The following MED6 variants were observed in gnomAD, a reference collection of about 807,000 sequenced individuals.
MED6 encodes the protein mediator complex subunit 6.
MED6 carries 33 observed loss-of-function variants against 37.5 expected under a neutral mutation model. That is an observed-to-expected ratio of 0.88 (90% CI 0.67 to 1.18). MED6 has a LOEUF of 1.18. MED6 is among the 50% of genes most tolerant of loss of function. The probability of loss-of-function intolerance (pLI) is 0.00; values close to 1 mark genes in which losing one functional copy is unlikely to be tolerated. For missense variants in MED6, 235 were observed against 290.6 expected (o/e 0.81, Z 1.39); for synonymous variants, 94 against 93.6 (o/e 1.00, Z -0.02).
chr14:70,590,148 C>T (rs2139593372), intron 6 of MED6, among the ~76,000 whole-genome samples: 1 of 152,222 alleles, frequency 6.6e-6, no homozygotes, highest in East Asian at 1.9e-4. Context: ...GTTTCAAATG[C>T]TAATAGTCAC....
chr14:70,588,736 T>C (rs1884787407), intron 6 of MED6, among the ~76,000 whole-genome samples: 2 of 130,942 alleles, frequency 1.5e-5, no homozygotes, highest in African/African-American at 6.4e-5. Flanking sequence ...ATAATAATAA[T>C]AATAATTGGG....
At chr14:70,591,999 C>T (rs1884884955) in intron 5 of MED6, among the ~76,000 whole-genome samples, 1 of 152,180 alleles carries the variant, frequency 6.6e-6, no homozygotes, top group Admixed American at 6.5e-5. Flanking sequence ...ACTCCGAACA[C>T]TTGGTTATCG....
Position 70,592,498 on chromosome 14 carries a change from T to TTTTC in MED6, c.466+381_466+382insGAAA, listed in dbSNP as rs1349050289. The TTTTC allele has an allele frequency of 2.1e-4, 29 of 137,504 alleles. 1 individual carries two copies. The highest frequency in any genetic ancestry group is 8.3e-4 in the African/African-American group (29 of 35,054). 8.5% of individuals were successfully genotyped at this position (137,504 alleles called of 1,614,324 possible). ...TGTTCCTTTTTTTTTTTTTTTTTTT[T>TTTTC]TTTTTTTTTTGTAGAGACCAGGTTT... is the stretch of plus-strand genomic sequence containing the variant. On this transcript the variant is annotated intron_variant, in intron 5 of 7. Transcript: ENST00000256379.
intron 7 of MED6, 93 bp from the exon 8 acceptor site, chr14:70,585,036 T>C (rs1884663701): frequency 2.9e-6 from 4 of 1,366,728 alleles, no homozygotes; most frequent in Non-Finnish European, 4.0e-6. Context: ...TTCAAATTCA[T>C]TTTTAACTGC....
Position 70,583,896 on chromosome 14 carries a change from A to T in MED6, c.*917T>A, listed in dbSNP as rs138839744. On this transcript the variant is annotated 3_prime_UTR_variant, in exon 8 of 8. Coordinates refer to ENST00000256379, the MANE Select transcript of MED6 (RefSeq NM_005466.4). Reference sequence around the variant, plus strand: ...CTTTGCAGACTTCCTACCAGCAAGAAGGCCCTCACCAGATGGAGCCAATCA... The same window carrying T: ...CTTTGCAGACTTCCTACCAGCAAGATGGCCCTCACCAGATGGAGCCAATCA... 60 of 397,978 alleles carry T rather than the reference A, an allele frequency of 1.5e-4. 1 individual carries two copies. The South Asian group carries it at 2.3e-3, about 15-fold the overall frequency. The allele number at this position is 397,978 out of a possible 1,614,324, so 24.7% of individuals were successfully genotyped here.
intron 2 of MED6, among the ~76,000 whole-genome samples, chr14:70,597,284 G>A (rs964910698): frequency 6.6e-5 from 10 of 152,122 alleles, no homozygotes; most frequent in African/African-American, 2.4e-4. Flanking sequence ...ATCAACAGTT[G>A]TTTCAAATAC....
chr14:70,588,746 G>A (rs868609869), intron 6 of MED6, among the ~76,000 whole-genome samples: 20 of 148,146 alleles, frequency 1.4e-4, no homozygotes, highest in Non-Finnish European at 1.5e-4. Flanking sequence ...TAATAATTGG[G>A]AGGAAGTAGG....
Position 70,597,663 on chromosome 14 carries a change from T to G in MED6, c.137A>C (p.Asn46Thr). The change falls in exon 2 of 8, where the codon AAT (asparagine) becomes ACT (threonine). Residue 46 changes from asparagine (N) to threonine (T), a missense_variant. Asn to Thr is a moderately conservative substitution (Grantham distance 65, BLOSUM62 0). Coordinates refer to ENST00000256379, the MANE Select transcript of MED6 (RefSeq NM_005466.4). ...CCTCTGCATTTTGACCACTTCATTA[T>G]TACATGTTCTGTCATAAAAAGGATT... Reference protein sequence around the residue: ...RSNPFYDRTCNNEVVKMQRLT... With the variant: ...RSNPFYDRTCTNEVVKMQRLT... 1 of 1,555,054 alleles carries G rather than the reference T, an allele frequency of 6.4e-7. No individual in the cohort carries two copies. Among genetic ancestry groups the G allele is most frequent in the Non-Finnish European group, 8.6e-7 (1 of 1,157,788 alleles).
chr14:70,592,814 A>T (rs567715998), intron 5 of MED6, 66 bp downstream of exon 5: 3 of 1,558,852 alleles, frequency 1.9e-6, no homozygotes, highest in South Asian at 2.3e-5. Flanking sequence ...CCATTTTCCT[A>T]AAGAAAACAG....
chr14:70,586,841 A>T lies in MED6; in HGVS notation c.583-1058T>A, dbSNP rs531093935. On this transcript the variant is annotated intron_variant, in intron 6 of 7. Coordinates refer to ENST00000256379, the MANE Select transcript of MED6 (RefSeq NM_005466.4). ...TCACATTATTATCCACTGTGCAATAAAAAGGTTACCACAGAAGGCCTGAGG... is the reference window on the plus strand; with the variant it reads ...TCACATTATTATCCACTGTGCAATATAAAGGTTACCACAGAAGGCCTGAGG... Among the ~76,000 whole-genome samples, 42 of 152,316 alleles carry T rather than the reference A, an allele frequency of 2.8e-4. 1 individual carries two copies. The highest frequency in any genetic ancestry group is 2.3e-3 in the South Asian group (11 of 4,820).
intron 2 of MED6, among the ~76,000 whole-genome samples, chr14:70,597,035 C>T (rs964574489): frequency 1.3e-5 from 2 of 152,126 alleles, no homozygotes; most frequent in African/African-American, 4.8e-5. Context: ...ACCAAATCTA[C>T]GAATACATAC....
At chr14:70,594,904 C>A (rs1339843958) in intron 3 of MED6, 16 of 623,522 alleles carry the variant, frequency 2.6e-5, no homozygotes, top group Middle Eastern at 4.0e-4. Context: ...CCAGGAGCAC[C>A]TGGATAAGAA....
At chr14:70,586,282 A>T (rs1286970532) in intron 6 of MED6, among the ~76,000 whole-genome samples, 1 of 152,132 alleles carries the variant, frequency 6.6e-6, no homozygotes, top group Non-Finnish European at 1.5e-5. Flanking sequence ...ATTATTAAAA[A>T]CCAATCTATA....
chr14:70,593,058 A>C lies in MED6; in HGVS notation c.358-70T>G, dbSNP rs1884932202. The C allele has an allele frequency of 8.8e-6, 14 of 1,584,800 alleles. No individual in the cohort carries two copies. In the East Asian group the frequency reaches 3.1e-4, roughly 35 times the overall value. Reference sequence around the variant, plus strand: ...AAACTTTCCAAAGTAAATACTCACAAAATATTACATATGCAAAGACAGAAC... The same window carrying C: ...AAACTTTCCAAAGTAAATACTCACACAATATTACATATGCAAAGACAGAAC... On this transcript the variant is annotated intron_variant, in intron 4 of 7. Transcript: ENST00000256379.
intron 6 of MED6, among the ~76,000 whole-genome samples, chr14:70,587,061 A>G (rs1008397028): frequency 6.6e-6 from 1 of 152,218 alleles, no homozygotes; most frequent in African/African-American, 2.4e-5. Context: ...GATAGAGGAT[A>G]CCTACATGAA....
At chr14:70,597,535 C>A in intron 2 of MED6, 83 bp downstream of exon 2, 1 of 1,229,506 alleles carries the variant, frequency 8.1e-7, no homozygotes, top group Non-Finnish European at 1.1e-6. Context: ...TTCTACTCTG[C>A]ACTTCATGAT....
At chr14:70,588,433 C>A (rs1884773349) in intron 6 of MED6, among the ~76,000 whole-genome samples, 2 of 152,044 alleles carry the variant, frequency 1.3e-5, no homozygotes, top group Non-Finnish European at 2.9e-5. Flanking sequence ...TGCCTATAAT[C>A]CCAGCACTTT....
chr14:70,594,867 C>T (rs148771586), intron 3 of MED6: 61 of 667,112 alleles, frequency 9.1e-5, no homozygotes, highest in African/African-American at 5.0e-4. Flanking sequence ...GCCTGGAGAC[C>T]GAGAACCAGA....
At position 70,595,042 on chromosome 14, in the gene MED6, G is replaced by A. The variant is rs1159904708; in HGVS notation, c.274+1569C>T. ...GATCGACAATGCCCATCTTGCTGCT[G>A]ATAGAGTCAAGTATGAGACAGAGCT... On this transcript the variant is annotated intron_variant, in intron 3 of 7. Transcript: ENST00000256379. The A allele has an allele frequency of 5.3e-6, 3 of 562,322 alleles. No homozygotes were observed. The African/African-American group carries it at 5.7e-5, about 11-fold the overall frequency. The allele number at this position is 562,322 out of a possible 1,614,324, so 34.8% of individuals were successfully genotyped here.
Sources: allele counts gnomAD v4.1 joint callset (sites outside exome capture counted in the v4.1 genomes callset), GRCh38; gene constraint gnomAD v4.1.1; transcripts MANE v1.5; gene names NCBI Gene and HGNC (gene_info 2026-07-23, HGNC 2026-07-21).